Variants in TENM3 observed in about 807,000 individuals in gnomAD.
TENM3 encodes teneurin-3.
A neutral mutation model predicts 255.1 loss-of-function variants in TENM3; 63 were observed. That is an observed-to-expected ratio of 0.25 (90% CI 0.20 to 0.30). The LOEUF (loss-of-function observed/expected upper bound fraction) is 0.30. TENM3 is among the 10% of genes least tolerant of loss of function. TENM3 has a pLI of 1.00. For missense variants in TENM3, 2,929 were observed against 3,461.1 expected, an observed-to-expected ratio of 0.85 and a Z score of 3.86; for synonymous variants, 1,306 against 1,322.3, an observed-to-expected ratio of 0.99 and a Z score of 0.27.
At chr4:182,575,230 A>G (rs1159531653) in intron 3 of TENM3, among the ~76,000 whole-genome samples, 2 of 152,220 alleles carry the variant, frequency 1.3e-5, no homozygotes, top group African/African-American at 4.8e-5. Context: ...AAACTAGGTA[A>G]AAGTATACAC....
chr4:182,324,106 A>G lies in TENM3; in HGVS notation c.86A>G (p.Asp29Gly), dbSNP rs757479129. Residue 29 changes from aspartate (D) to glycine (G), a missense_variant, in exon 2 of 28, where the codon GAC (aspartate) becomes GGC (glycine). This residue lies in a region of TENM3 where 283 missense variants were observed against 256.9 expected (regional missense o/e 1.10). Coordinates refer to ENST00000511685, the MANE Select transcript of TENM3 (RefSeq NM_001080477.4). Reference sequence around the variant, plus strand: ...CGGCGCTACACAAATTCCTCCGCAGACAATGAGGAGTGCCGGGTACCCACA... The same window carrying G: ...CGGCGCTACACAAATTCCTCCGCAGGCAATGAGGAGTGCCGGGTACCCACA... ...KERRYTNSSADNEECRVPTQK... is the reference protein window; with the variant it reads ...KERRYTNSSAGNEECRVPTQK... 3 of 1,614,024 alleles carry G rather than the reference A, an allele frequency of 1.9e-6. No individual in the cohort carries two copies. Among genetic ancestry groups the G allele is most frequent in the South Asian group, 1.1e-5 (1 of 91,084 alleles).
Position 182,679,725 on chromosome 4 carries a change from G to C in TENM3, c.1386G>C (p.Leu462=). ...TGATTGCCAGAGAGCAGCGGAGCCT[G>C]CTTGAGACGGAGAGAGCCGGGCGGC... ...SRLIAREQRS[L]LETERAGRQA... is the part of the protein sequence containing the mutation. The change falls in exon 8 of 28, where the codon CTG becomes CTC. Residue 462 remains leucine (L), a synonymous_variant. Transcript: ENST00000511685. The C allele has an allele frequency of 1.2e-6, 2 of 1,613,706 alleles. No individual in the cohort carries two copies. Among genetic ancestry groups the C allele is most frequent in the South Asian group, 2.2e-5 (2 of 91,068 alleles).
At chr4:181,879,096 T>C in the TENM3 span, among the ~76,000 whole-genome samples, 1 of 152,162 alleles carries the variant, frequency 6.6e-6, no homozygotes, top group Non-Finnish European at 1.5e-5. Flanking sequence ...TCCCAGTAAA[T>C]ATCTCTCTGG....
the TENM3 span, among the ~76,000 whole-genome samples, chr4:182,084,662 G>C: frequency 6.6e-6 from 1 of 152,162 alleles, no homozygotes; most frequent in African/African-American, 2.4e-5. Flanking sequence ...TATCATGATA[G>C]AGTATAAGTA....
At chr4:182,299,250 C>T (rs147553015) in intron 1 of TENM3, among the ~76,000 whole-genome samples, 1 of 152,028 alleles carries the variant, frequency 6.6e-6, no homozygotes, top group East Asian at 2.0e-4. Flanking sequence ...CAGGGGCATG[C>T]GTACATCTCT....
intron 3 of TENM3, among the ~76,000 whole-genome samples, chr4:182,419,376 G>C (rs1446432270): frequency 6.6e-6 from 1 of 152,162 alleles, no homozygotes; most frequent in Admixed American, 6.5e-5. Context: ...AACAACAGGT[G>C]CTGGAGAGGA....
At chr4:182,160,661 G>C (rs73869702) in intron 1 of TENM3, among the ~76,000 whole-genome samples, 34,589 of 152,136 alleles carry the variant, frequency 0.23, 4,617 homozygotes, top group African/African-American at 0.33. Context: ...AGAGTAGAAT[G>C]GTGGTTACCA....
intron 13 of TENM3, among the ~76,000 whole-genome samples, chr4:182,723,935 T>A (rs1346824399): frequency 6.6e-6 from 1 of 152,168 alleles, no homozygotes; most frequent in Admixed American, 6.5e-5. Context: ...CCAGCCACTG[T>A]AAAAGACCAG....
intron 3 of TENM3, among the ~76,000 whole-genome samples, chr4:182,392,062 A>G (rs1388128990): frequency 6.6e-6 from 1 of 152,192 alleles, no homozygotes; most frequent in African/African-American, 2.4e-5. Context: ...TTCAACTACC[A>G]GTACTCTCAA....
At chr4:181,752,996 G>A in the TENM3 span, among the ~76,000 whole-genome samples, 1 of 152,166 alleles carries the variant, frequency 6.6e-6, no homozygotes, top group Admixed American at 6.5e-5. Flanking sequence ...AACATTGGAT[G>A]TGGAAGTATG....
chr4:182,495,088 A>G (rs1735653522), intron 3 of TENM3, among the ~76,000 whole-genome samples: 1 of 152,194 alleles, frequency 6.6e-6, no homozygotes, highest in Non-Finnish European at 1.5e-5. Flanking sequence ...AATTATGACA[A>G]GCCTTTTGCC....
intron 1 of TENM3, among the ~76,000 whole-genome samples, chr4:182,210,252 A>C (rs1579732018): frequency 6.6e-6 from 1 of 152,164 alleles, no homozygotes; most frequent in East Asian, 1.9e-4. Flanking sequence ...CATGCTACAG[A>C]TTTCACTTCA....
chr4:182,777,437 A>G (rs1002519024), intron 24 of TENM3, among the ~76,000 whole-genome samples: 1 of 151,920 alleles, frequency 6.6e-6, no homozygotes, highest in African/African-American at 2.4e-5. Context: ...ACTGCTATAA[A>G]TCTAACACTA....
the TENM3 span, among the ~76,000 whole-genome samples, chr4:181,710,795 C>T: frequency 2.0e-5 from 3 of 151,390 alleles, no homozygotes; most frequent in Non-Finnish European, 4.4e-5. Flanking sequence ...GCTATCCTCC[C>T]GCCTCTGCCT....
chr4:182,489,700 A>G (rs1419562537), intron 3 of TENM3, among the ~76,000 whole-genome samples: 2 of 152,112 alleles, frequency 1.3e-5, no homozygotes, highest in Admixed American at 1.3e-4. Context: ...AGCTAACAGT[A>G]TGTGCTCCTT....
At chr4:182,743,124 T>C in intron 18 of TENM3, 46 bp from the exon 19 acceptor site, 1 of 1,551,732 alleles carries the variant, frequency 6.4e-7, no homozygotes, top group Non-Finnish European at 8.7e-7. Flanking sequence ...TTTTCATCTT[T>C]ACACTTTTTC....
intron 3 of TENM3, among the ~76,000 whole-genome samples, chr4:182,590,882 A>G (rs1746576774): frequency 6.6e-6 from 1 of 152,056 alleles, no homozygotes; most frequent in South Asian, 2.1e-4. Flanking sequence ...CAGAAAAAAG[A>G]AAAAGATTAC....
At chr4:182,277,223 T>A (rs1341885471) in intron 1 of TENM3, among the ~76,000 whole-genome samples, 1 of 152,214 alleles carries the variant, frequency 6.6e-6, no homozygotes, top group Non-Finnish European at 1.5e-5. Context: ...TTAGTTTATG[T>A]TGAGTATGCA....
At chr4:181,663,173 G>C in the TENM3 span, among the ~76,000 whole-genome samples, 7 of 152,264 alleles carry the variant, frequency 4.6e-5, no homozygotes, top group Admixed American at 4.6e-4. Context: ...CAAGGGGTCT[G>C]CTTCATAGAC....
Sources: gnomAD v4.1 joint callset for allele counts (sites outside exome capture counted in the v4.1 genomes callset) on GRCh38, gnomAD v4.1.1 for gene constraint, gnomAD v4.1.1 regional missense constraint, MANE v1.5 for transcripts, NCBI Gene and HGNC (gene_info 2026-07-23, HGNC 2026-07-21) for gene names.